The following SOX5 variants were observed in gnomAD, a reference collection of about 807,000 sequenced individuals.
The protein encoded by SOX5 is transcription factor SOX-5.
A neutral mutation model predicts 92.0 loss-of-function variants in SOX5; 9 were observed. The observed-to-expected ratio is 0.10, with a 90% CI of 0.06 to 0.17. The LOEUF (loss-of-function observed/expected upper bound fraction) is 0.17. SOX5 is among the 10% of genes least tolerant of loss of function. The pLI, the probability that SOX5 is intolerant of heterozygous loss-of-function variation, is 1.00. For synonymous variants in SOX5, 344 were observed against 336.3 expected (o/e 1.02, Z -0.25); for missense variants, 642 against 944.5 (o/e 0.68, Z 4.20).
At chr12:24,230,185 C>T (rs1454441653) in intron 3 of SOX5, among the ~76,000 whole-genome samples, 3 of 151,928 alleles carry the variant, frequency 2.0e-5, no homozygotes, top group East Asian at 1.9e-4. Flanking sequence ...CAAAGTTGCA[C>T]GGTAGGGATC....
At chr12:24,276,738 G>C (rs1007644216) in intron 3 of SOX5, among the ~76,000 whole-genome samples, 6 of 152,068 alleles carry the variant, frequency 3.9e-5, no homozygotes, top group Admixed American at 6.6e-5. Context: ...GAAAATATTT[G>C]TCTGGCTTCA....
At chr12:24,357,952 C>T (rs1279504262) in intron 2 of SOX5, among the ~76,000 whole-genome samples, 2 of 152,090 alleles carry the variant, frequency 1.3e-5, no homozygotes, top group Non-Finnish European at 2.9e-5. Flanking sequence ...TACTTTATTA[C>T]AATCCCTTGT....
chr12:23,722,560 C>T (rs980867867), intron 6 of SOX5, among the ~76,000 whole-genome samples: 2 of 152,164 alleles, frequency 1.3e-5, no homozygotes, highest in Admixed American at 1.3e-4. Flanking sequence ...ACCTTGGATT[C>T]ATTTCACAAA....
In SOX5 at chr12:23,981,829, T is replaced by A. The variant is rs1339838732; in HGVS notation, c.-1-85805A>T. On this transcript the variant is annotated intron_variant, in intron 4 of 4. Transcript: ENST00000446891. ...TATCCAAGTTATTCTTTCTAATTCATAAAACACAATTCCTTGTTTTCTAGT... is the reference window on the plus strand; with the variant it reads ...TATCCAAGTTATTCTTTCTAATTCAAAAAACACAATTCCTTGTTTTCTAGT... 2.6e-5 allele frequency among the ~76,000 whole-genome samples: 4 copies of A among 152,222 alleles called. No individual in the cohort carries two copies. In the East Asian group the frequency reaches 7.7e-4, roughly 29 times the overall value.
intron 6 of SOX5, among the ~76,000 whole-genome samples, chr12:23,688,467 A>G (rs2088066423): frequency 6.6e-6 from 1 of 152,112 alleles, no homozygotes; most frequent in South Asian, 2.1e-4. Context: ...TAATTTCATT[A>G]GATTCACCTG....
In SOX5 at chr12:23,792,071, C is replaced by T. The variant is rs527420387; in HGVS notation, c.482-36347G>A. ...GATTTTTAAATAGTATCTAAGTTTT[C>T]ATTTTTATATGTGAAAATTATAATA... On this transcript the variant is annotated intron_variant, in intron 3 of 14. Transcript: ENST00000451604. Among the ~76,000 whole-genome samples, 3 of 151,858 alleles carry T rather than the reference C, an allele frequency of 2.0e-5. No individual in the cohort carries two copies. The South Asian group carries it at 6.2e-4, about 32-fold the overall frequency.
At chr12:24,196,228 G>A (rs1956999367) in intron 4 of SOX5, among the ~76,000 whole-genome samples, 1 of 152,202 alleles carries the variant, frequency 6.6e-6, no homozygotes, top group African/African-American at 2.4e-5. Context: ...GCCCAGCTTT[G>A]TACTATCTGC....
At chr12:23,616,227 A>G (rs1475135641) in intron 8 of SOX5, among the ~76,000 whole-genome samples, 1 of 152,196 alleles carries the variant, frequency 6.6e-6, no homozygotes, top group African/African-American at 2.4e-5. Flanking sequence ...AGCTCTCAGG[A>G]CTGAGACTCT....
chr12:23,585,092 T>C (rs1354742489), intron 9 of SOX5, among the ~76,000 whole-genome samples: 2 of 152,170 alleles, frequency 1.3e-5, no homozygotes, highest in African/African-American at 2.4e-5. Flanking sequence ...TTGTTTTTAA[T>C]ATAGCATTTC....
upstream of SOX5, among the ~76,000 whole-genome samples, chr12:23,952,884 C>T (rs1945837396): frequency 6.6e-6 from 1 of 152,100 alleles, no homozygotes; most frequent in African/African-American, 2.4e-5. Context: ...CCATTTGTTG[C>T]TTGAAGCCAC....
chr12:23,975,489 G>T (rs1288856663), intron 4 of SOX5, among the ~76,000 whole-genome samples: 1 of 152,032 alleles, frequency 6.6e-6, no homozygotes, highest in Non-Finnish European at 1.5e-5. Context: ...TTTTATCTTT[G>T]TTAGGGTCAT....
At chr12:23,817,728 C>G (rs2089675471) in intron 3 of SOX5, among the ~76,000 whole-genome samples, 1 of 152,154 alleles carries the variant, frequency 6.6e-6, no homozygotes, top group Non-Finnish European at 1.5e-5. Context: ...ACTGATTATA[C>G]ATTCGCTTTG....
At chr12:24,081,968 T>C (rs1044237221) in intron 4 of SOX5, among the ~76,000 whole-genome samples, 3 of 151,982 alleles carry the variant, frequency 2.0e-5, no homozygotes, top group Non-Finnish European at 4.4e-5. Flanking sequence ...GCCAACTCCC[T>C]GTAAAAAGAA....
chr12:24,530,041 A>T lies in SOX5; in HGVS notation c.-251+32288T>A, dbSNP rs1452411200. On this transcript the variant is annotated intron_variant, in intron 1 of 4. Coordinates refer to the SOX5 transcript ENST00000446891. ...TCTCAAAAAAAAAAAAAAAAAAAAA[A>T]GCCGTACAAGTAGGACTTTATCAAA... Among the ~76,000 whole-genome samples, 7 of 142,694 alleles carry T rather than the reference A, an allele frequency of 4.9e-5. No homozygotes were observed. In the East Asian group the frequency reaches 1.5e-3, roughly 31 times the overall value. 93.6% of individuals were successfully genotyped at this position (142,694 alleles called of 152,430 possible).
At chr12:23,874,967 A>G (rs927378707) in intron 2 of SOX5, among the ~76,000 whole-genome samples, 2 of 152,240 alleles carry the variant, frequency 1.3e-5, no homozygotes, top group Non-Finnish European at 2.9e-5. Context: ...TCAGGCTTTA[A>G]TGTGGCCTAC....
intron 1 of SOX5, among the ~76,000 whole-genome samples, chr12:24,503,782 C>A (rs1025707608): frequency 3.3e-5 from 5 of 152,054 alleles, no homozygotes; most frequent in African/African-American, 7.2e-5. Context: ...AATGAGAACA[C>A]ATGGACACAG....
chr12:23,581,395 A>T (rs1289625986), intron 9 of SOX5, among the ~76,000 whole-genome samples: 1 of 152,134 alleles, frequency 6.6e-6, no homozygotes, highest in Non-Finnish European at 1.5e-5. Context: ...ATCTTTATTC[A>T]CATCTTTATT....
At chr12:23,698,432 T>C (rs957933646) in intron 6 of SOX5, among the ~76,000 whole-genome samples, 1 of 152,206 alleles carries the variant, frequency 6.6e-6, no homozygotes. Context: ...TATCTTCAAA[T>C]GCACATCTTA....
At chr12:24,341,035 C>T (rs1056844358) in intron 2 of SOX5, among the ~76,000 whole-genome samples, 2 of 152,032 alleles carry the variant, frequency 1.3e-5, no homozygotes, top group African/African-American at 4.8e-5. Context: ...TTCTTAGGGC[C>T]TACTAACACA....
Sources: allele counts gnomAD v4.1 joint callset (sites outside exome capture counted in the v4.1 genomes callset), GRCh38; gene constraint gnomAD v4.1.1; transcripts MANE v1.5; gene names NCBI Gene and HGNC (gene_info 2026-07-23, HGNC 2026-07-21).